The following RBFOX1 variants were observed in gnomAD, a reference collection of about 807,000 sequenced individuals.
RBFOX1 encodes RNA binding protein fox-1 homolog 1.
In RBFOX1, 8 loss-of-function variants were observed where a neutral mutation model predicts 57.7. The ratio of observed to expected loss-of-function variants is 0.14; its 90% CI spans 0.08 to 0.25. RBFOX1 has a LOEUF of 0.25. Among genes scored for constraint, RBFOX1 ranks in the 10% least tolerant of loss-of-function variants. RBFOX1 has a pLI of 1.00. For synonymous variants in RBFOX1, 326 were observed against 222.4 expected (o/e 1.47, Z -4.15); for missense variants, 611 against 548.5 (o/e 1.11, Z -1.14).
At chr16:7,342,425 G>C (rs893989019) in intron 4 of RBFOX1, among the ~76,000 whole-genome samples, 12 of 152,184 alleles carry the variant, frequency 7.9e-5, no homozygotes, top group African/African-American at 2.9e-4. Context: ...TGCGGGGATG[G>C]TCACATCGAC....
At chr16:7,183,973 A>G (rs906840564) in intron 4 of RBFOX1, among the ~76,000 whole-genome samples, 1 of 152,182 alleles carries the variant, frequency 6.6e-6, no homozygotes, top group East Asian at 1.9e-4. Flanking sequence ...TGACGTCATT[A>G]AAGAACTGAA....
chr16:6,250,333 C>G (rs1165291248), intron 1 of RBFOX1, among the ~76,000 whole-genome samples: 3 of 151,958 alleles, frequency 2.0e-5, no homozygotes, highest in African/African-American at 7.3e-5. Flanking sequence ...TTTTGCAAGC[C>G]CATATTATTA....
chr16:7,579,033 G>A (rs2093550845), intron 5 of RBFOX1, among the ~76,000 whole-genome samples: 1 of 152,196 alleles, frequency 6.6e-6, no homozygotes, highest in African/African-American at 2.4e-5. Context: ...GAAACGTTCT[G>A]TATTTGCATT....
chr16:6,749,513 C>T (rs994537719), intron 3 of RBFOX1, among the ~76,000 whole-genome samples: 1 of 152,142 alleles, frequency 6.6e-6, no homozygotes, highest in African/African-American at 2.4e-5. Flanking sequence ...TACTGAGGTT[C>T]TGGGGATTTG....
chr16:5,548,174 A>ATATATATATATATATAT (rs1282445806), intron 2 of RBFOX1, among the ~76,000 whole-genome samples: 35 of 33,560 alleles, frequency 1.0e-3, no homozygotes, highest in Admixed American at 3.0e-3. Context: ...AAAAAAAAAA[A>ATATATATATATATATAT]ATATATATAT....
intron 1 of RBFOX1, among the ~76,000 whole-genome samples, chr16:5,372,442 T>A (rs1234197898): frequency 1.3e-5 from 2 of 149,632 alleles, no homozygotes; most frequent in African/African-American, 4.8e-5. Context: ...AATTTTTATT[T>A]GGTCATGAAA....
Position 6,109,769 on chromosome 16 carries a change from A to C in RBFOX1, c.-127+89777A>C, listed in dbSNP as rs185780316. 2.9e-3 allele frequency among the ~76,000 whole-genome samples: 444 copies of C among 152,320 alleles called. 2 individuals are homozygous for C. Among genetic ancestry groups the C allele is most frequent in the African/African-American group, 0.01 (419 of 41,568 alleles). Reference sequence around the variant, plus strand: ...AATTTAAGGGCAGCTGAAATGCCACAGGAATCCTTGTACAACATTTTGGTT... The same window carrying C: ...AATTTAAGGGCAGCTGAAATGCCACCGGAATCCTTGTACAACATTTTGGTT... On this transcript the variant is annotated intron_variant, in intron 1 of 15. Transcript: ENST00000550418.
chr16:5,752,598 A>G (rs1007624469), intron 3 of RBFOX1, among the ~76,000 whole-genome samples: 1 of 152,178 alleles, frequency 6.6e-6, no homozygotes, highest in African/African-American at 2.4e-5. Flanking sequence ...CCCTTCAGAG[A>G]GAATGGCACC....
chr16:5,391,748 T>C (rs1196272080), intron 1 of RBFOX1, among the ~76,000 whole-genome samples: 1 of 152,010 alleles, frequency 6.6e-6, no homozygotes, highest in Non-Finnish European at 1.5e-5. Context: ...TTTTCATATC[T>C]AGATTTCCTT....
chr16:5,652,494 A>G (rs1409989207), intron 3 of RBFOX1, among the ~76,000 whole-genome samples: 2 of 152,150 alleles, frequency 1.3e-5, no homozygotes, highest in Non-Finnish European at 2.9e-5. Context: ...ATCTTTAATC[A>G]GAGTCTTTGT....
At chr16:7,189,776 T>C (rs563100181) in intron 4 of RBFOX1, among the ~76,000 whole-genome samples, 4 of 152,216 alleles carry the variant, frequency 2.6e-5, no homozygotes, top group African/African-American at 7.2e-5. Flanking sequence ...TCTATAACTT[T>C]CCCTATGCAT....
At chr16:6,741,375 A>C (rs1381142014) in intron 3 of RBFOX1, among the ~76,000 whole-genome samples, 1 of 152,144 alleles carries the variant, frequency 6.6e-6, no homozygotes, top group East Asian at 1.9e-4. Flanking sequence ...GACTTCATCA[A>C]AATTTGGCTG....
chr16:5,695,388 T>G (rs1358792029), intron 3 of RBFOX1, among the ~76,000 whole-genome samples: 5 of 152,148 alleles, frequency 3.3e-5, no homozygotes, highest in African/African-American at 7.2e-5. Context: ...AGCAGGATGG[T>G]AAATCGCTTA....
intron 2 of RBFOX1, among the ~76,000 whole-genome samples, chr16:6,418,712 G>C (rs1328412955): frequency 1.3e-5 from 2 of 151,814 alleles, no homozygotes; most frequent in Non-Finnish European, 1.5e-5. Context: ...AATTTTTATA[G>C]AGATGGGATC....
chr16:7,289,744 T>G (rs144074447), intron 4 of RBFOX1, among the ~76,000 whole-genome samples: 2 of 152,236 alleles, frequency 1.3e-5, no homozygotes, highest in East Asian at 1.9e-4. Flanking sequence ...ACCAAGAAAT[T>G]TAGTGTATTA....
chr16:6,906,887 T>C (rs2070136363), intron 3 of RBFOX1, among the ~76,000 whole-genome samples: 1 of 152,030 alleles, frequency 6.6e-6, no homozygotes, highest in South Asian at 2.1e-4. Flanking sequence ...CCCACCTGGT[T>C]AATTTTTTGT....
intron 3 of RBFOX1, among the ~76,000 whole-genome samples, chr16:7,006,738 A>C (rs1354417942): frequency 6.6e-6 from 1 of 152,178 alleles, no homozygotes; most frequent in Non-Finnish European, 1.5e-5. Flanking sequence ...ATGAGCCACC[A>C]TGCCTGGCAA....
intron 1 of RBFOX1, among the ~76,000 whole-genome samples, chr16:6,285,738 C>T (rs1043408565): frequency 6.6e-6 from 1 of 152,082 alleles, no homozygotes. Flanking sequence ...CTGTTGGTAA[C>T]CTCAGAGGAG....
At chr16:5,431,592 C>T (rs2067737032) in intron 1 of RBFOX1, among the ~76,000 whole-genome samples, 2 of 152,204 alleles carry the variant, frequency 1.3e-5, no homozygotes, top group East Asian at 3.9e-4. Flanking sequence ...CCAGGCTGGT[C>T]TCGAACTCCT....
Sources: gnomAD v4.1 joint callset for allele counts (sites outside exome capture counted in the v4.1 genomes callset) on GRCh38, gnomAD v4.1.1 for gene constraint, MANE v1.5 for transcripts, NCBI Gene and HGNC (gene_info 2026-07-23, HGNC 2026-07-21) for gene names.